NECTIN3: variants seen among roughly 807,000 people sequenced by gnomAD.
NECTIN3 encodes the protein nectin-3.
Under a neutral mutation model 49.4 loss-of-function variants are expected in NECTIN3, and 8 were observed. The ratio of observed to expected loss-of-function variants is 0.16; its 90% CI spans 0.10 to 0.29. The LOEUF (loss-of-function observed/expected upper bound fraction) is 0.29. Ranked by LOEUF, NECTIN3 falls within the 10% of genes least tolerant of loss-of-function variation. NECTIN3 has a pLI of 1.00. For missense variants in NECTIN3, 581 were observed against 654.6 expected (o/e 0.89, Z 1.23); for synonymous variants, 277 against 241.1 (o/e 1.15, Z -1.38).
chr3:111,115,375 G>A (rs911989931), intron 2 of NECTIN3, among the ~76,000 whole-genome samples: 1 of 152,184 alleles, frequency 6.6e-6, no homozygotes, highest in African/African-American at 2.4e-5. Context: ...CTATATTACT[G>A]GAAATTCATA....
intron 1 of NECTIN3, among the ~76,000 whole-genome samples, chr3:111,074,483 T>A (rs563738710): frequency 2.6e-5 from 4 of 152,142 alleles, no homozygotes; most frequent in Non-Finnish European, 5.9e-5. Context: ...TGCTGCTATT[T>A]TTGATATTTT....
chr3:111,100,709 G>C (rs569902673), intron 1 of NECTIN3, among the ~76,000 whole-genome samples: 27 of 150,542 alleles, frequency 1.8e-4, no homozygotes, highest in African/African-American at 6.7e-4. Context: ...CTAACTTTAA[G>C]ACTTTTTTAA....
chr3:111,146,538 A>G (rs2034881432), intron 6 of NECTIN3, among the ~76,000 whole-genome samples: 1 of 152,164 alleles, frequency 6.6e-6, no homozygotes, highest in Non-Finnish European at 1.5e-5. Context: ...AGGTTAACAA[A>G]TTAATGTAAC....
chr3:111,135,384 G>C lies in NECTIN3; in HGVS notation c.*1169G>C. 3 of 932,854 alleles carry C rather than the reference G, an allele frequency of 3.2e-6. No homozygotes were observed. The South Asian group carries it at 1.5e-4, about 46-fold the overall frequency. 57.8% of individuals were successfully genotyped at this position (932,854 alleles called of 1,614,324 possible). On this transcript the variant is annotated 3_prime_UTR_variant, in exon 6 of 6. Transcript: ENST00000485303. ...TTACGATTAAAACTGGAAACATGAGGTTTTTTGTTTTTGTTTTTTTACATA... is the reference window on the plus strand; with the variant it reads ...TTACGATTAAAACTGGAAACATGAGCTTTTTTGTTTTTGTTTTTTTACATA...
chr3:111,072,391 C>A (rs1444571209), intron 1 of NECTIN3: 7 of 1,510,994 alleles, frequency 4.6e-6, no homozygotes, highest in Non-Finnish European at 6.2e-6. Flanking sequence ...CCGCTGCCCT[C>A]CCCCGCGGCC....
intron 1 of NECTIN3, 69 bp from the exon 2 acceptor site, chr3:111,111,961 A>C (rs1010320810): frequency 2.1e-6 from 2 of 934,690 alleles, no homozygotes; most frequent in African/African-American, 3.4e-5. Flanking sequence ...ACAGGGGGTC[A>C]GGAAGGGAGG....
Position 111,135,915 on chromosome 3 carries a change from G to A in NECTIN3, c.*1700G>A, listed in dbSNP as rs1443084060. On this transcript the variant is annotated 3_prime_UTR_variant, in exon 6 of 6. Transcript: ENST00000485303. ...TTATAAGGCTGTAGTATCAGGTTAAGGATACAGATAAATAAAGTTCACTTA... is the reference window on the plus strand; with the variant it reads ...TTATAAGGCTGTAGTATCAGGTTAAAGATACAGATAAATAAAGTTCACTTA... 4 of 917,740 alleles carry A rather than the reference G, an allele frequency of 4.4e-6. No homozygotes were observed. Among genetic ancestry groups the A allele is most frequent in the Non-Finnish European group, 5.2e-6 (4 of 770,062 alleles). The allele number at this position is 917,740 out of a possible 1,614,324, so 56.8% of individuals were successfully genotyped here. A position where few individuals can be genotyped will look rare whatever the true frequency, so the allele number is the denominator to read the frequency against.
chr3:111,183,770 C>G (rs1256805715), intron 7 of NECTIN3, among the ~76,000 whole-genome samples: 1 of 151,674 alleles, frequency 6.6e-6, no homozygotes, highest in Non-Finnish European at 1.5e-5. Flanking sequence ...TTGTTTTTCC[C>G]TTTAGCTACA....
intron 6 of NECTIN3, among the ~76,000 whole-genome samples, chr3:111,145,260 A>G (rs1007247381): frequency 2.0e-5 from 3 of 152,148 alleles, no homozygotes; most frequent in Non-Finnish European, 4.4e-5. Flanking sequence ...TACATTTTTC[A>G]CCTAGAGCAT....
chr3:111,135,239 C>T lies in NECTIN3; in HGVS notation c.*1024C>T, dbSNP rs886637508. ...AGAAAATTTTAGAGTAAACTTGGAA[C>T]TTTGGATATAACTAGAAAAAACTAG... On this transcript the variant is annotated 3_prime_UTR_variant, in exon 6 of 6. Transcript: ENST00000485303. The T allele has an allele frequency of 1.0e-5, 10 of 970,168 alleles. No individual in the cohort carries two copies. The highest frequency in any genetic ancestry group is 6.2e-5 in the Admixed American group (1 of 16,152). The allele number at this position is 970,168 out of a possible 1,614,324, so 60.1% of individuals were successfully genotyped here.
intron 1 of NECTIN3, among the ~76,000 whole-genome samples, chr3:111,086,588 C>A (rs78914026): frequency 0.042 from 6,429 of 152,142 alleles, 191 homozygotes; most frequent in East Asian, 0.074. Flanking sequence ...GGACTCTGTT[C>A]CAGTGGTCCA....
intron 1 of NECTIN3, among the ~76,000 whole-genome samples, chr3:111,078,632 C>G (rs943709430): frequency 6.6e-6 from 1 of 152,114 alleles, no homozygotes; most frequent in Non-Finnish European, 1.5e-5. Flanking sequence ...GCAGAATACA[C>G]TATAGGAATA....
chr3:111,124,201 A>G lies in NECTIN3; in HGVS notation c.917+1963A>G, dbSNP rs568481634. Among the ~76,000 whole-genome samples, 5 of 152,272 alleles carry G rather than the reference A, an allele frequency of 3.3e-5. No individual in the cohort carries two copies. The South Asian group carries it at 1.0e-3, about 32-fold the overall frequency. On this transcript the variant is annotated intron_variant, in intron 4 of 5. Coordinates refer to ENST00000485303, the MANE Select transcript of NECTIN3 (RefSeq NM_015480.3). The stretch of plus-strand genomic sequence containing the variant: ...TTGATAGAGTGTTTCTAAAAGCCAT[A>G]CAACTCTGGATTCTCATCCCAATGT...
At chr3:111,172,272 A>G (rs1400217539) in intron 7 of NECTIN3, among the ~76,000 whole-genome samples, 1 of 152,152 alleles carries the variant, frequency 6.6e-6, no homozygotes, top group Non-Finnish European at 1.5e-5. Flanking sequence ...TGTGCACACA[A>G]GCATACCCAC....
chr3:111,178,303 T>C (rs2035566994), intron 7 of NECTIN3, among the ~76,000 whole-genome samples: 1 of 152,206 alleles, frequency 6.6e-6, no homozygotes, highest in Non-Finnish European at 1.5e-5. Context: ...ATGAGGACTT[T>C]CTTTCTGTAG....
At chr3:111,188,858 G>C (rs1243679213), upstream of NECTIN3, among the ~76,000 whole-genome samples, 1 of 152,088 alleles carries the variant, frequency 6.6e-6, no homozygotes, top group Non-Finnish European at 1.5e-5. Flanking sequence ...ATTTACCATT[G>C]GGAATTTTAA....
chr3:111,150,202 C>G (rs920524152), intron 7 of NECTIN3, among the ~76,000 whole-genome samples: 1 of 151,900 alleles, frequency 6.6e-6, no homozygotes, highest in African/African-American at 2.4e-5. Context: ...TAATTTCAGT[C>G]TAGCAGCAAT....
chr3:111,127,722 C>T (rs2034223441), intron 5 of NECTIN3, among the ~76,000 whole-genome samples: 1 of 151,908 alleles, frequency 6.6e-6, no homozygotes, highest in Non-Finnish European at 1.5e-5. Context: ...CACCACCATG[C>T]CCAGCTAATT....
chr3:111,176,407 A>G (rs2035528988), intron 7 of NECTIN3, among the ~76,000 whole-genome samples: 3 of 152,156 alleles, frequency 2.0e-5, no homozygotes, highest in Admixed American at 2.0e-4. Context: ...AAACTCATAA[A>G]CTGAGTTCTA....
Sources: gnomAD v4.1 joint callset for allele counts (sites outside exome capture counted in the v4.1 genomes callset) on GRCh38, gnomAD v4.1.1 for gene constraint, MANE v1.5 for transcripts, NCBI Gene and HGNC (gene_info 2026-07-23, HGNC 2026-07-21) for gene names.